ZNF23: variants seen among roughly 807,000 people sequenced by gnomAD.
The protein encoded by ZNF23 is zinc finger protein 23.
Under a neutral mutation model 56.2 loss-of-function variants are expected in ZNF23, and 48 were observed. The ratio of observed to expected loss-of-function variants is 0.85; its 90% CI spans 0.68 to 1.09. The LOEUF (loss-of-function observed/expected upper bound fraction) is 1.09. ZNF23 is among the 50% of genes least tolerant of loss of function. The probability of loss-of-function intolerance (pLI) is 0.00; values close to 1 mark genes in which losing one functional copy is unlikely to be tolerated. For synonymous variants in ZNF23, 266 were observed against 283.3 expected (o/e 0.94, Z 0.61); for missense variants, 805 against 811.4 (o/e 0.99, Z 0.10).
At position 71,448,790 on chromosome 16, in the gene ZNF23, C is replaced by A. The variant is rs1405300667; in HGVS notation, c.1364G>T (p.Arg455Ile). The change falls in exon 5 of 5, where the codon AGA becomes ATA. Residue 455 changes from arginine to isoleucine, a missense_variant. Coordinates refer to ENST00000647773, the MANE Select transcript of ZNF23 (RefSeq NM_001381984.1). ...ATAGGGTTTCTCGCCTGTGTGAATT[C>A]TCTGGTGTTGGATTAACTTCCCTTT... ...SVKGKLIQHQ[R>I]IHTGEKPYEC... 3 of 1,614,072 alleles carry A rather than the reference C, an allele frequency of 1.9e-6. No homozygotes were observed. Among genetic ancestry groups the A allele is most frequent in the East Asian group, 4.5e-5 (2 of 44,882 alleles).
chr16:71,453,939 TC>T, intron 3 of ZNF23, 102 bp downstream of exon 3: 1 of 1,365,002 alleles, frequency 7.3e-7, no homozygotes, highest in Non-Finnish European at 1.0e-6. Flanking sequence ...GGGTTCTCAC[TC>T]AGTAAAGGAT....
intron 4 of ZNF23, chr16:71,451,429 C>T (rs189291189): frequency 3.3e-5 from 5 of 152,310 alleles, no homozygotes; most frequent in East Asian, 3.9e-4. Context: ...TTGCTATAGA[C>T]TGAATGTTTG....
Position 71,448,366 on chromosome 16 carries a change from G to A in ZNF23, c.1788C>T (p.Ile596=). 6.2e-7 allele frequency: 1 copy of A among 1,613,844 alleles called. No individual in the cohort carries two copies. Residue 596 remains isoleucine (I), a synonymous_variant, in exon 5 of 5, where the codon ATC becomes ATT. Coordinates refer to ENST00000647773, the MANE Select transcript of ZNF23 (RefSeq NM_001381984.1). The part of the protein sequence containing the change: ...CSSNYIVHQR[I]HTGEKPFQCK... Reference sequence around the variant, plus strand: ...ACTGAAAGGGTTTCTCTCCTGTATGGATTCTCTGGTGCACAATATAGTTAG... The same window carrying A: ...ACTGAAAGGGTTTCTCTCCTGTATGAATTCTCTGGTGCACAATATAGTTAG...
rs2042944521 is a variant in ZNF23, at chr16:71,448,847, T to G, written c.1307A>C (p.Glu436Ala). Reference sequence around the variant, plus strand: ...GAAGGCTTTTCCACATTCAGTGCATTCATAGGGTTTCTCACCTGTGTGGAT... The same window carrying G: ...GAAGGCTTTTCCACATTCAGTGCATGCATAGGGTTTCTCACCTGTGTGGAT... Reference protein sequence around the residue: ...QRIHTGEKPYECTECGKAFSV... With the variant: ...QRIHTGEKPYACTECGKAFSV... Residue 436 changes from glutamate (E) to alanine (A), a missense_variant, in exon 5 of 5, where the codon GAA becomes GCA. Physicochemically the swap from Glu to Ala is moderately radical, Grantham distance 107 (BLOSUM62 -1). Coordinates refer to ENST00000647773, the MANE Select transcript of ZNF23 (RefSeq NM_001381984.1). 1 of 1,614,116 alleles carries G rather than the reference T, an allele frequency of 6.2e-7. No homozygotes were observed. The highest frequency in any genetic ancestry group is 1.3e-5 in the African/African-American group (1 of 74,926).
intron 2 of ZNF23, 48 bp from the exon 3 acceptor site, chr16:71,454,216 G>T (rs1203570850): frequency 1.3e-6 from 2 of 1,587,462 alleles, no homozygotes; most frequent in East Asian, 2.2e-5. Flanking sequence ...CATAGCTCAG[G>T]CCCTAAGTGA....
intron 4 of ZNF23, chr16:71,452,174 G>A (rs1184486192): frequency 1.3e-5 from 2 of 152,182 alleles, no homozygotes; most frequent in Non-Finnish European, 2.9e-5. Context: ...AGGGTCCTTT[G>A]ATTAAGACCT....
intron 4 of ZNF23, chr16:71,450,589 C>T (rs559757972): frequency 3.3e-5 from 12 of 360,008 alleles, no homozygotes; most frequent in South Asian, 1.6e-4. Context: ...TGTGGTGGTA[C>T]GTGCCTGTAG....
In ZNF23 at chr16:71,448,353, T is replaced by C; in HGVS notation, c.1801A>G (p.Lys601Glu). ...CCACACTCCTTACACTGAAAGGGTT[T>C]CTCTCCTGTATGGATTCTCTGGTGC... ...IVHQRIHTGE[K>E]PFQCKECGKA... Residue 601 changes from lysine to glutamate, a missense_variant, in exon 5 of 5, where the codon AAA becomes GAA. Transcript: ENST00000647773. The C allele has an allele frequency of 6.2e-7, 1 of 1,614,126 alleles. No individual in the cohort carries two copies. The highest frequency in any genetic ancestry group is 8.5e-7 in the Non-Finnish European group (1 of 1,180,000).
At chr16:71,459,417 C>A (rs1464993196) in intron 1 of ZNF23, among the ~76,000 whole-genome samples, 3 of 152,370 alleles carry the variant, frequency 2.0e-5, no homozygotes, top group Middle Eastern at 3.4e-3. Flanking sequence ...ATCTCTGTTT[C>A]ACTCCCCTTG....
chr16:71,459,053 CA>C (rs1316938992), intron 1 of ZNF23, among the ~76,000 whole-genome samples: 4 of 152,242 alleles, frequency 2.6e-5, no homozygotes, highest in Non-Finnish European at 4.4e-5. Flanking sequence ...AGCACCACTC[CA>C]ATCCTCTTAT....
At position 71,453,869 on chromosome 16, in the gene ZNF23, C is replaced by T. The variant is rs1022814683; in HGVS notation, c.160+173G>A. The T allele has an allele frequency of 9.3e-6, 7 of 749,236 alleles. No individual in the cohort carries two copies. The East Asian group carries it at 1.9e-4, about 20-fold the overall frequency. The allele number at this position is 749,236 out of a possible 1,614,324, so 46.4% of individuals were successfully genotyped here. ...CCAAGCAAAGTCCTATATAGGCCTA[C>T]AAAAGGCTTGGCATTTGCCCCTGCC... On this transcript the variant is annotated intron_variant, in intron 3 of 4. Coordinates refer to ENST00000647773, the MANE Select transcript of ZNF23 (RefSeq NM_001381984.1).
At chr16:71,450,254 A>C (rs1326355993) in intron 4 of ZNF23, 4 of 167,828 alleles carry the variant, frequency 2.4e-5, no homozygotes, top group Non-Finnish European at 5.1e-5. Context: ...AAACTGGCAT[A>C]GGAAGTTTAG....
At chr16:71,462,076 C>A (rs2043481691) in intron 1 of ZNF23, 134 bp downstream of exon 1, 1 of 152,454 alleles carries the variant, frequency 6.6e-6, no homozygotes, top group Non-Finnish European at 1.5e-5. Context: ...GCCCTGCTCC[C>A]TCTCCCAGCC....
intron 3 of ZNF23, chr16:71,453,663 A>G: frequency 2.1e-6 from 1 of 469,242 alleles, no homozygotes; most frequent in Non-Finnish European, 3.8e-6. Context: ...TTCTGCCCAA[A>G]GGGATACCAC....
intron 2 of ZNF23, chr16:71,456,251 G>C (rs1419661807): frequency 8.5e-6 from 3 of 351,700 alleles, no homozygotes; most frequent in Non-Finnish European, 1.7e-5. Context: ...AACTTTGAAA[G>C]CTTCACAAGC....
Position 71,449,047 on chromosome 16 carries a change from ATGT to A in ZNF23, c.1104_1106del (p.Gln368del), listed in dbSNP as rs1567560010. The A allele has an allele frequency of 6.2e-7, 1 of 1,614,148 alleles. No individual in the cohort carries two copies. The highest frequency in any genetic ancestry group is 1.1e-5 in the South Asian group (1 of 91,078). On this transcript the variant is annotated inframe_deletion, in exon 5 of 5. Transcript: ENST00000647773. ...GTTTCTCTCCAGTATGGATTCTCTG[ATGT>A]TGAATTAATTTTGCATTAACATTGA...
chr16:71,449,101 G>A lies in ZNF23; in HGVS notation c.1053C>T (p.Tyr351=), dbSNP rs142314445. ...HQRVHTGEKP[Y]ECNDCGKAFN... is the part of the protein sequence containing the mutation. ...ACGCTTTCCCACAGTCATTACACTCGTAAGGTTTCTCTCCAGTGTGGACTC... is the reference window on the plus strand; with the variant it reads ...ACGCTTTCCCACAGTCATTACACTCATAAGGTTTCTCTCCAGTGTGGACTC... The change falls in exon 5 of 5, where the codon TAC becomes TAT. Residue 351 remains tyrosine, a synonymous_variant. Transcript: ENST00000647773. 7.7e-5 allele frequency: 124 copies of A among 1,614,018 alleles called. No individual in the cohort carries two copies. Among genetic ancestry groups the A allele is most frequent in the South Asian group, 8.8e-5 (8 of 91,070 alleles).
intron 2 of ZNF23, among the ~76,000 whole-genome samples, chr16:71,454,842 G>A (rs2043170102): frequency 6.6e-6 from 1 of 152,192 alleles, no homozygotes; most frequent in African/African-American, 2.4e-5. Context: ...CAGGGAGACC[G>A]GCCTTCCCAC....
Position 71,448,108 on chromosome 16 carries a change from A to G in ZNF23, c.2046T>C (p.Ser682=). ...TTTCTCATTATTAGGATTTTCCTTC[A>G]CTATGGACACTCTGATGCTGACTGA... ...FQLSQHQSVH[S]EGKS The change falls in exon 5 of 5, where the codon AGT becomes AGC. Residue 682 remains serine (S), a synonymous_variant. Coordinates refer to ENST00000647773, the MANE Select transcript of ZNF23 (RefSeq NM_001381984.1). 2 of 1,601,376 alleles carry G rather than the reference A, an allele frequency of 1.2e-6. No individual in the cohort carries two copies. Among genetic ancestry groups the G allele is most frequent in the South Asian group, 2.3e-5 (2 of 88,654 alleles).
Sources: gnomAD v4.1 joint callset for allele counts (sites outside exome capture counted in the v4.1 genomes callset) on GRCh38, gnomAD v4.1.1 for gene constraint, MANE v1.5 for transcripts, NCBI Gene and HGNC (gene_info 2026-07-23, HGNC 2026-07-21) for gene names.